Variants in PROM1 observed in about 807,000 individuals in gnomAD.
PROM1 encodes the protein prominin-1.
PROM1 carries 105 observed loss-of-function variants against 116.9 expected under a neutral mutation model. That is an observed-to-expected ratio of 0.90 (90% CI 0.77 to 1.06). The LOEUF (loss-of-function observed/expected upper bound fraction) is 1.06, where lower values mean the gene tolerates loss of function less well. Ranked by LOEUF, PROM1 falls within the 50% of genes least tolerant of loss-of-function variation. The probability of loss-of-function intolerance (pLI) is 0.00; values close to 1 mark genes in which losing one functional copy is unlikely to be tolerated. For missense variants in PROM1, 1,122 were observed against 1,045.2 expected (o/e 1.07, Z -1.01); for synonymous variants, 393 against 387.0 (o/e 1.02, Z -0.18).
intron 19 of PROM1, 123 bp from the exon 20 acceptor site, chr4:15,987,839 T>C: frequency 1.3e-6 from 1 of 742,398 alleles, no homozygotes; most frequent in South Asian, 1.8e-5. Context: ...GGTTTCATTC[T>C]AGAAAAAATA....
intron 14 of PROM1, among the ~76,000 whole-genome samples, chr4:15,999,093 C>T (rs1353835835): frequency 1.3e-5 from 2 of 152,068 alleles, no homozygotes; most frequent in Non-Finnish European, 2.9e-5. Context: ...CAGAGTAGAC[C>T]ATTTGATCAG....
At chr4:15,995,642 C>A (rs1168333250) in intron 15 of PROM1, among the ~76,000 whole-genome samples, 1 of 152,098 alleles carries the variant, frequency 6.6e-6, no homozygotes, top group Admixed American at 6.6e-5. Flanking sequence ...TAGCCTACTG[C>A]CCCTACCTCC....
intron 13 of PROM1, among the ~76,000 whole-genome samples, chr4:16,000,951 A>C (rs1005129580): frequency 9.2e-5 from 14 of 152,246 alleles, no homozygotes; most frequent in Non-Finnish European, 1.8e-4. Flanking sequence ...CTGGGGACCC[A>C]CGAGGGGTAG....
chr4:16,082,055 G>A (rs940394439), intron 1 of PROM1: 1 of 152,144 alleles, frequency 6.6e-6, no homozygotes, highest in Non-Finnish European at 1.5e-5. Context: ...CTCTGTCAAA[G>A]GAGGATTTCG....
intron 8 of PROM1, among the ~76,000 whole-genome samples, chr4:16,019,273 A>G (rs1350573789): frequency 6.6e-6 from 1 of 152,260 alleles, no homozygotes; most frequent in Non-Finnish European, 1.5e-5. Context: ...ACTTTATGTT[A>G]GTGGAAAGCC....
At chr4:15,980,788 G>T (rs373738555) in intron 23 of PROM1, among the ~76,000 whole-genome samples, 1 of 151,812 alleles carries the variant, frequency 6.6e-6, no homozygotes, top group Non-Finnish European at 1.5e-5. Context: ...TTTTACAAAC[G>T]AGGAGCAGAA....
At chr4:15,977,820 G>C (rs1279376279) in intron 26 of PROM1, among the ~76,000 whole-genome samples, 1 of 151,912 alleles carries the variant, frequency 6.6e-6, no homozygotes, top group Non-Finnish European at 1.5e-5. Flanking sequence ...GGATGGTCTT[G>C]ATCTCCTGAC....
At chr4:16,081,698 G>C (rs970831763) in intron 1 of PROM1, among the ~76,000 whole-genome samples, 3 of 152,120 alleles carry the variant, frequency 2.0e-5, no homozygotes, top group African/African-American at 7.2e-5. Context: ...ATAGCTCTTT[G>C]CTCCCTGAAA....
At chr4:16,073,406 T>C (rs1043079156) in intron 2 of PROM1, among the ~76,000 whole-genome samples, 3 of 152,154 alleles carry the variant, frequency 2.0e-5, no homozygotes, top group African/African-American at 7.2e-5. Context: ...ACTTGTGAAA[T>C]GCATTGGCCC....
At chr4:15,985,701 GA>G in intron 22 of PROM1, 58 bp downstream of exon 22, 1 of 1,189,652 alleles carries the variant, frequency 8.4e-7, no homozygotes, top group African/African-American at 1.5e-5. Flanking sequence ...TTTTACCCTA[GA>G]AAATGGCTAT....
At chr4:16,079,827 T>C (rs1233754443) in intron 1 of PROM1, 3 of 152,006 alleles carry the variant, frequency 2.0e-5, no homozygotes, top group East Asian at 1.9e-4. Context: ...CCCAAACACA[T>C]TGGAAAATAA....
At chr4:16,042,093 C>T (rs1488967970) in intron 2 of PROM1, among the ~76,000 whole-genome samples, 9 of 152,072 alleles carry the variant, frequency 5.9e-5, no homozygotes, top group Non-Finnish European at 1.3e-4. Context: ...GGGTTACAGG[C>T]GTGAGCCACC....
At chr4:16,075,046 C>T (rs1364487408) in intron 2 of PROM1, among the ~76,000 whole-genome samples, 9 of 152,180 alleles carry the variant, frequency 5.9e-5, no homozygotes, top group African/African-American at 2.2e-4. Flanking sequence ...TGAACACATA[C>T]CCTGAATTCA....
At chr4:16,012,541 G>A (rs1405892421) in intron 11 of PROM1, among the ~76,000 whole-genome samples, 1 of 152,004 alleles carries the variant, frequency 6.6e-6, no homozygotes, top group Non-Finnish European at 1.5e-5. Flanking sequence ...CTTCCTAATA[G>A]ACAAAATAAA....
chr4:16,007,780 T>G, intron 12 of PROM1, among the ~76,000 whole-genome samples: 1 of 152,218 alleles, frequency 6.6e-6, no homozygotes, highest in Admixed American at 6.5e-5. Context: ...AATGAGATTA[T>G]AAGTTCACTG....
intron 13 of PROM1, among the ~76,000 whole-genome samples, chr4:16,004,829 T>TTC (rs199637591): frequency 0.024 from 2,115 of 89,958 alleles, 65 homozygotes; most frequent in African/African-American, 0.073. Flanking sequence ...CTTTCTTTCT[T>TTC]TTTCTTCCTT....
At position 15,985,751 on chromosome 4, in the gene PROM1, A is replaced by C. The variant is rs1719202410; in HGVS notation, c.2280+9T>G. On this transcript the variant is annotated intron_variant, in intron 22 of 27. Coordinates refer to ENST00000447510, the MANE Select transcript of PROM1 (RefSeq NM_006017.3). ...CCCCCTTAACATTCATAAAAGATAA[A>C]CTACTTACAGAGAACTCGATCCACT... is the stretch of plus-strand genomic sequence containing the variant. 1.3e-6 allele frequency: 2 copies of C among 1,530,502 alleles called. No individual in the cohort carries two copies. Among genetic ancestry groups the C allele is most frequent in the Non-Finnish European group, 1.8e-6 (2 of 1,109,296 alleles). 94.8% of individuals were successfully genotyped at this position (1,530,502 alleles called of 1,614,324 possible). A position where few individuals can be genotyped will look rare whatever the true frequency, so the allele number is the denominator to read the frequency against.
At chr4:16,012,881 A>AC (rs1390138649) in intron 11 of PROM1, among the ~76,000 whole-genome samples, 1 of 151,524 alleles carries the variant, frequency 6.6e-6, no homozygotes, top group African/African-American at 2.4e-5. Flanking sequence ...AAAAAAAAAA[A>AC]AAAAAAAAAA....
intron 2 of PROM1, among the ~76,000 whole-genome samples, chr4:16,045,100 C>T (rs1736233529): frequency 6.6e-6 from 1 of 152,084 alleles, no homozygotes; most frequent in Non-Finnish European, 1.5e-5. Context: ...CCCTGCCGGC[C>T]CTCAGCAAGT....
Sources: allele counts gnomAD v4.1 joint callset (sites outside exome capture counted in the v4.1 genomes callset), GRCh38; gene constraint gnomAD v4.1.1; transcripts MANE v1.5; gene names NCBI Gene and HGNC (gene_info 2026-07-23, HGNC 2026-07-21).